The following STX18 variants were observed in gnomAD, a reference collection of about 807,000 sequenced individuals.
STX18 encodes syntaxin-18.
A neutral mutation model predicts 50.1 loss-of-function variants in STX18; 40 were observed. The observed-to-expected ratio is 0.80, with a 90% CI of 0.62 to 1.04. STX18 has a LOEUF of 1.04. Ranked by LOEUF, STX18 falls within the 50% of genes least tolerant of loss-of-function variation. The pLI is 0.00. For synonymous variants in STX18, 158 were observed against 151.8 expected (o/e 1.04, Z -0.30); for missense variants, 410 against 415.8 (o/e 0.99, Z 0.12).
chr4:4,477,515 G>A (rs911954512), intron 1 of STX18, among the ~76,000 whole-genome samples: 1 of 152,194 alleles, frequency 6.6e-6, no homozygotes, highest in East Asian at 1.9e-4. Flanking sequence ...AGAGCTCTGT[G>A]TGTGCTACTC....
intron 7 of STX18, among the ~76,000 whole-genome samples, chr4:4,430,079 A>C (rs1340520648): frequency 2.0e-5 from 3 of 152,246 alleles, no homozygotes; most frequent in Non-Finnish European, 4.4e-5. Context: ...AAACACCTGC[A>C]AACTCAAAGG....
intron 1 of STX18, among the ~76,000 whole-genome samples, chr4:4,533,763 T>C (rs1731207625): frequency 6.6e-6 from 1 of 152,188 alleles, no homozygotes; most frequent in Non-Finnish European, 1.5e-5. Flanking sequence ...TCTGCAGCCC[T>C]ACCCTAGTAG....
At chr4:4,521,845 C>A (rs1314546310) in intron 1 of STX18, among the ~76,000 whole-genome samples, 1 of 152,098 alleles carries the variant, frequency 6.6e-6, no homozygotes, top group Non-Finnish European at 1.5e-5. Flanking sequence ...TATCAACTTT[C>A]TATAAGAAAC....
intron 1 of STX18, among the ~76,000 whole-genome samples, chr4:4,481,866 C>T (rs1362718926): frequency 1.3e-5 from 2 of 152,188 alleles, no homozygotes; most frequent in Admixed American, 6.5e-5. Flanking sequence ...ACCACAGCAG[C>T]GAGTTTGTTG....
intron 1 of STX18, among the ~76,000 whole-genome samples, chr4:4,477,308 T>C (rs1298405295): frequency 6.6e-6 from 1 of 152,164 alleles, no homozygotes; most frequent in African/African-American, 2.4e-5. Flanking sequence ...TTTTAGTCAT[T>C]TTGAGGTAGA....
chr4:4,523,626 G>A (rs951618318), intron 1 of STX18, among the ~76,000 whole-genome samples: 7 of 151,966 alleles, frequency 4.6e-5, no homozygotes, highest in African/African-American at 1.2e-4. Flanking sequence ...CAAATATATC[G>A]AGTCTACTCC....
At chr4:4,538,350 A>G (rs1205734213) in intron 1 of STX18, among the ~76,000 whole-genome samples, 1 of 152,204 alleles carries the variant, frequency 6.6e-6, no homozygotes. Context: ...GCCATCACTG[A>G]AAGAGTTTCA....
rs537822517 is a variant in STX18, at chr4:4,425,298, G to A, written c.703-76C>T. On this transcript the variant is annotated intron_variant, in intron 7 of 10. Transcript: ENST00000306200. ...GAGTCTAGCAAGAAAGCGGACCTAC[G>A]CTCCAGGAATCACTGCCGAAGCCCC... 2.9e-5 allele frequency: 40 copies of A among 1,357,346 alleles called. No homozygotes were observed. The Admixed American group carries it at 3.5e-4, about 12-fold the overall frequency. 84.1% of individuals were successfully genotyped at this position (1,357,346 alleles called of 1,614,324 possible). A position where few individuals can be genotyped will look rare whatever the true frequency, so the allele number is the denominator to read the frequency against.
intron 1 of STX18, among the ~76,000 whole-genome samples, chr4:4,499,185 C>T (rs1171363159): frequency 6.6e-6 from 1 of 152,172 alleles, no homozygotes; most frequent in East Asian, 1.9e-4. Flanking sequence ...ATGCACAACC[C>T]ATTTCAAATT....
At chr4:4,423,688 G>GGA (rs1409685964) in intron 8 of STX18, 101 bp from the exon 9 acceptor site, 4 of 1,157,614 alleles carry the variant, frequency 3.5e-6, no homozygotes, top group East Asian at 5.4e-5. Flanking sequence ...CGTGAAGGTG[G>GGA]GAGAGACAGG....
chr4:4,488,099 C>T (rs1045278979), intron 1 of STX18, among the ~76,000 whole-genome samples: 8 of 151,926 alleles, frequency 5.3e-5, no homozygotes, highest in African/African-American at 1.9e-4. Flanking sequence ...GGCATATAGT[C>T]TCTATGACAA....
At chr4:4,528,404 A>G (rs937792131) in intron 1 of STX18, among the ~76,000 whole-genome samples, 1 of 151,938 alleles carries the variant, frequency 6.6e-6, no homozygotes, top group Admixed American at 6.6e-5. Context: ...TGCTTGTTTA[A>G]AAGAGTCTGG....
chr4:4,527,869 T>TATATATATA (rs1560211353), intron 1 of STX18, among the ~76,000 whole-genome samples: 1 of 129,466 alleles, frequency 7.7e-6, no homozygotes, highest in African/African-American at 3.1e-5. Flanking sequence ...CACACACACA[T>TATATATATA]ATATATATAT....
chr4:4,505,302 C>G (rs1729648357), intron 1 of STX18, among the ~76,000 whole-genome samples: 1 of 152,194 alleles, frequency 6.6e-6, no homozygotes, highest in African/African-American at 2.4e-5. Flanking sequence ...GCTCAGTACA[C>G]TTACAGATGT....
intron 9 of STX18, among the ~76,000 whole-genome samples, chr4:4,421,905 CA>C (rs1384586533): frequency 6.6e-6 from 1 of 152,140 alleles, no homozygotes; most frequent in Non-Finnish European, 1.5e-5. Context: ...TGGGATAACA[CA>C]GGGGGCGTCT....
chr4:4,513,223 T>C (rs1309415970), intron 1 of STX18, among the ~76,000 whole-genome samples: 4 of 152,018 alleles, frequency 2.6e-5, no homozygotes, highest in African/African-American at 7.3e-5. Flanking sequence ...ACTTTGAGAG[T>C]GGAGATTCTG....
chr4:4,448,808 C>A (rs961375360), intron 5 of STX18, among the ~76,000 whole-genome samples: 1 of 152,184 alleles, frequency 6.6e-6, no homozygotes, highest in Non-Finnish European at 1.5e-5. Context: ...AACCTCTAGG[C>A]CTTGGTTTTC....
At chr4:4,526,493 T>A (rs976589637) in intron 1 of STX18, among the ~76,000 whole-genome samples, 2 of 152,152 alleles carry the variant, frequency 1.3e-5, no homozygotes, top group African/African-American at 2.4e-5. Context: ...TTCCTAAATT[T>A]TTATTTACAC....
intron 1 of STX18, among the ~76,000 whole-genome samples, chr4:4,529,050 C>A (rs912380039): frequency 6.6e-6 from 1 of 152,158 alleles, no homozygotes; most frequent in Admixed American, 6.5e-5. Flanking sequence ...CAAAAGCAAA[C>A]CACAACACTT....
Sources: gnomAD v4.1 joint callset for allele counts (sites outside exome capture counted in the v4.1 genomes callset) on GRCh38, gnomAD v4.1.1 for gene constraint, MANE v1.5 for transcripts, NCBI Gene and HGNC (gene_info 2026-07-23, HGNC 2026-07-21) for gene names.